The following RPTOR variants were observed in gnomAD, a reference collection of about 807,000 sequenced individuals.
The protein encoded by RPTOR is regulatory-associated protein of mTOR.
RPTOR carries 21 observed loss-of-function variants against 169.9 expected under a neutral mutation model. The ratio of observed to expected loss-of-function variants is 0.12; its 90% CI spans 0.09 to 0.18. The LOEUF is 0.18. Ranked by LOEUF, RPTOR falls within the 10% of genes least tolerant of loss-of-function variation. RPTOR has a pLI of 1.00. For synonymous variants in RPTOR, 732 were observed against 753.2 expected (o/e 0.97, Z 0.46); for missense variants, 1,133 against 1,855.9 (o/e 0.61, Z 7.16).
chr17:80,705,922 G>A (rs564537718), intron 3 of RPTOR, among the ~76,000 whole-genome samples: 2 of 152,194 alleles, frequency 1.3e-5, no homozygotes, highest in African/African-American at 4.8e-5. Flanking sequence ...CAGGTGCTTC[G>A]TGTGCATCTG....
chr17:80,858,010 A>C (rs1186765382), intron 13 of RPTOR, 110 bp downstream of exon 13: 1 of 835,778 alleles, frequency 1.2e-6, no homozygotes, highest in Non-Finnish European at 2.0e-6. Flanking sequence ...CTCCCTCTCC[A>C]GGCACCGCCG....
At chr17:80,852,110 T>A (rs2067799213) in intron 11 of RPTOR, among the ~76,000 whole-genome samples, 1 of 152,174 alleles carries the variant, frequency 6.6e-6, no homozygotes, top group African/African-American at 2.4e-5. Flanking sequence ...AGACATCTGG[T>A]AGCCGAACAC....
chr17:80,697,828 A>AT (rs1346204535), intron 3 of RPTOR, among the ~76,000 whole-genome samples: 3 of 152,112 alleles, frequency 2.0e-5, no homozygotes, highest in Non-Finnish European at 2.9e-5. Context: ...CTCTGACAGA[A>AT]TGGGGGGACT....
At chr17:80,702,892 C>T (rs1038951698) in intron 3 of RPTOR, among the ~76,000 whole-genome samples, 6 of 152,092 alleles carry the variant, frequency 3.9e-5, no homozygotes, top group African/African-American at 1.4e-4. Context: ...AATCCTAGTT[C>T]GATAGCTGTG....
chr17:80,699,878 A>G (rs1305576382), intron 3 of RPTOR, among the ~76,000 whole-genome samples: 12 of 119,924 alleles, frequency 1.0e-4, no homozygotes, highest in African/African-American at 2.5e-4. Context: ...TAGAGGTGCT[A>G]CGCACAGTAC....
intron 24 of RPTOR, among the ~76,000 whole-genome samples, chr17:80,926,665 A>G (rs2068815204): frequency 6.6e-6 from 1 of 152,246 alleles, no homozygotes; most frequent in Non-Finnish European, 1.5e-5. Context: ...TCATGACAAC[A>G]TTCCTTAAAA....
chr17:80,834,038 G>A (rs896347747), intron 9 of RPTOR, among the ~76,000 whole-genome samples: 11 of 152,212 alleles, frequency 7.2e-5, no homozygotes, highest in African/African-American at 2.4e-4. Context: ...GAATTTAATG[G>A]GTAATCTGGC....
intron 20 of RPTOR, among the ~76,000 whole-genome samples, chr17:80,902,738 C>T (rs2068492268): frequency 6.6e-6 from 1 of 152,256 alleles, no homozygotes; most frequent in Non-Finnish European, 1.5e-5. Flanking sequence ...CCCCAGACAC[C>T]CATGCATGTG....
In RPTOR at chr17:80,840,799, C is replaced by T. The variant is rs565579129; in HGVS notation, c.1212+2802C>T. ...CACACCGCAGCTCACACTCACCGCA[C>T]GGCAGCTCACTCTCACCACGCCGCA... On this transcript the variant is annotated intron_variant, in intron 10 of 33. Transcript: ENST00000306801. Among the ~76,000 whole-genome samples, 14 of 137,588 alleles carry T rather than the reference C, an allele frequency of 1.0e-4. No individual in the cohort carries two copies. The East Asian group carries it at 2.1e-3, about 20-fold the overall frequency. 90.3% of individuals were successfully genotyped at this position (137,588 alleles called of 152,430 possible). A position where few individuals can be genotyped will look rare whatever the true frequency, so the allele number is the denominator to read the frequency against.
chr17:80,822,035 T>C (rs1484696246), intron 7 of RPTOR, among the ~76,000 whole-genome samples, 166 bp from the exon 8 acceptor site: 1 of 152,210 alleles, frequency 6.6e-6, no homozygotes, highest in Non-Finnish European at 1.5e-5. Context: ...AGCTGTGAGC[T>C]CATGGAGAGT....
At chr17:80,703,532 C>T (rs955309591) in intron 3 of RPTOR, among the ~76,000 whole-genome samples, 8 of 152,056 alleles carry the variant, frequency 5.3e-5, no homozygotes, top group Non-Finnish European at 1.0e-4. Context: ...ACACCCATTC[C>T]GCCTTGTGTG....
chr17:80,858,982 C>T (rs1206803435), intron 13 of RPTOR, among the ~76,000 whole-genome samples: 3 of 152,042 alleles, frequency 2.0e-5, no homozygotes, highest in African/African-American at 7.2e-5. Context: ...TAGGGAAACA[C>T]GGGGTGGAGA....
In RPTOR at chr17:80,890,776, C is replaced by A. The variant is rs562005623; in HGVS notation, c.1984-944C>A. Among the ~76,000 whole-genome samples the A allele has an allele frequency of 1.7e-4, 26 of 152,200 alleles. 1 individual carries two copies. Among genetic ancestry groups the A allele is most frequent in the Admixed American group, 1.6e-3 (24 of 15,286 alleles). On this transcript the variant is annotated intron_variant, in intron 17 of 33. Coordinates refer to ENST00000306801, the MANE Select transcript of RPTOR (RefSeq NM_020761.3). ...AACCACAAAGCATGATAGGAGGAAGCCCGGGGCATGTAAGGCTGGGGTGGG... is the reference window on the plus strand; with the variant it reads ...AACCACAAAGCATGATAGGAGGAAGACCGGGGCATGTAAGGCTGGGGTGGG...
At chr17:80,735,248 T>C (rs1162568863) in intron 5 of RPTOR, among the ~76,000 whole-genome samples, 2 of 152,122 alleles carry the variant, frequency 1.3e-5, no homozygotes, top group Non-Finnish European at 2.9e-5. Flanking sequence ...ATAGTGTAGA[T>C]ATGGAATTTT....
At chr17:80,961,197 A>G (rs944273864) in intron 30 of RPTOR, among the ~76,000 whole-genome samples, 197 bp from the exon 31 acceptor site, 1 of 151,506 alleles carries the variant, frequency 6.6e-6, no homozygotes, top group Non-Finnish European at 1.5e-5. Context: ...GGGAGGACAC[A>G]GGGGGTCTCT....
chr17:80,606,790 C>CATCA (rs1476163863), intron 1 of RPTOR, among the ~76,000 whole-genome samples: 4 of 152,094 alleles, frequency 2.6e-5, no homozygotes, highest in African/African-American at 4.8e-5. Context: ...GCCATCCATC[C>CATCA]ATCCATCCAT....
intron 1 of RPTOR, among the ~76,000 whole-genome samples, chr17:80,588,201 C>T (rs549290912): frequency 8.1e-5 from 12 of 147,616 alleles, no homozygotes; most frequent in Non-Finnish European, 1.3e-4. Flanking sequence ...CTCGCCATGT[C>T]GCCCCGGCTG....
chr17:80,673,571 G>A (rs762401945), intron 3 of RPTOR, among the ~76,000 whole-genome samples: 1 of 152,202 alleles, frequency 6.6e-6, no homozygotes, highest in African/African-American at 2.4e-5. Flanking sequence ...CTCAAAGAGC[G>A]GTTGCCGTGA....
chr17:80,763,899 CATTT>C (rs1440336001), intron 6 of RPTOR, among the ~76,000 whole-genome samples: 1 of 152,072 alleles, frequency 6.6e-6, no homozygotes, highest in Non-Finnish European at 1.5e-5. Flanking sequence ...CACACTTACA[CATTT>C]ATTTGACTTC....
Sources: allele counts gnomAD v4.1 joint callset (sites outside exome capture counted in the v4.1 genomes callset), GRCh38; gene constraint gnomAD v4.1.1; transcripts MANE v1.5; gene names NCBI Gene and HGNC (gene_info 2026-07-23, HGNC 2026-07-21).